The following VNN2 variants were observed in gnomAD, a reference collection of about 807,000 sequenced individuals.
VNN2 encodes the protein vanin 2.
In VNN2, 43 loss-of-function variants were observed where a neutral mutation model predicts 43.0. That is an observed-to-expected ratio of 1.00 (90% confidence interval 0.78 to 1.29). VNN2 has a LOEUF of 1.29. Among genes scored for constraint, VNN2 ranks in the 50% most tolerant of loss-of-function variants. The pLI is 0.00. For synonymous variants in VNN2, 230 were observed against 224.3 expected (o/e 1.03, Z -0.23); for missense variants, 652 against 619.7 (o/e 1.05, Z -0.55).
intron 2 of VNN2, among the ~76,000 whole-genome samples, chr6:132,757,041 A>G (rs1306254805): frequency 6.6e-6 from 1 of 152,102 alleles, no homozygotes; most frequent in African/African-American, 2.4e-5. Context: ...CTAAGAAGCA[A>G]CTCTGGAATG....
upstream of VNN2, among the ~76,000 whole-genome samples, chr6:132,761,131 T>C (rs974412920): frequency 1.3e-5 from 2 of 152,198 alleles, no homozygotes; most frequent in African/African-American, 4.8e-5. Context: ...ACAGTTTCAA[T>C]AGTTGACTTT....
rs1435753347 is a variant in VNN2, at chr6:132,757,546, C to A, written c.214G>T (p.Gly72Cys). ...ETAIKQAAEQ[G>C]ARIIVTPEDA... The stretch of plus-strand genomic sequence containing the variant: ...TCTGGAGTCACAATGATTCGAGCAC[C>A]CTGTTCAAAACAAGCAAAATAAAAA... The change falls in exon 2 of 7, where the codon GGT becomes TGT. Residue 72 changes from glycine to cysteine, a missense_variant and splice_region_variant. Coordinates refer to ENST00000326499, the MANE Select transcript of VNN2 (RefSeq NM_004665.6). 6.2e-7 allele frequency: 1 copy of A among 1,612,910 alleles called. No homozygotes were observed.
chr6:132,758,041 T>TCTTTTTC, upstream of VNN2: 1 of 246,250 alleles, frequency 4.1e-6, no homozygotes, highest in Non-Finnish European at 6.9e-6. Flanking sequence ...TTCTTCTTCT[T>TCTTTTTC]TTTTTTTTTT....
intron 6 of VNN2, among the ~76,000 whole-genome samples, chr6:132,745,418 G>A (rs1315804116): frequency 6.6e-6 from 1 of 152,126 alleles, no homozygotes; most frequent in Non-Finnish European, 1.5e-5. Flanking sequence ...GCTTCACCAT[G>A]TTGCCCAGGC....
At chr6:132,752,771 A>G in intron 3 of VNN2, 22 bp from the exon 4 acceptor site, 1 of 1,584,762 alleles carries the variant, frequency 6.3e-7, no homozygotes, top group Non-Finnish European at 8.6e-7. Flanking sequence ...GGATAGGAGA[A>G]AACCAGTAAA....
At chr6:132,755,478 A>G (rs1268745181) in intron 3 of VNN2, among the ~76,000 whole-genome samples, 1 of 149,896 alleles carries the variant, frequency 6.7e-6, no homozygotes, top group Non-Finnish European at 1.5e-5. Flanking sequence ...GGGTTCAAGC[A>G]AGTCTCCTGC....
chr6:132,756,412 A>G (rs1175399077), intron 2 of VNN2, among the ~76,000 whole-genome samples: 3 of 152,106 alleles, frequency 2.0e-5, no homozygotes, highest in Non-Finnish European at 4.4e-5. Context: ...TTAAAGCAAA[A>G]CTCCTCAAAA....
intron 6 of VNN2, among the ~76,000 whole-genome samples, chr6:132,745,838 A>G (rs1165969821): frequency 1.3e-5 from 2 of 152,246 alleles, no homozygotes; most frequent in African/African-American, 4.8e-5. Flanking sequence ...AATAAACAGA[A>G]CAAGAATAAA....
chr6:132,749,464 C>G (rs1779920511), intron 6 of VNN2, among the ~76,000 whole-genome samples: 1 of 152,078 alleles, frequency 6.6e-6, no homozygotes, highest in South Asian at 2.1e-4. Flanking sequence ...AACCCACTAG[C>G]CAATGGCAGA....
chr6:132,759,758 T>A (rs1780695934), upstream of VNN2, among the ~76,000 whole-genome samples: 1 of 152,218 alleles, frequency 6.6e-6, no homozygotes, highest in South Asian at 2.1e-4. Flanking sequence ...ATTAAAGGAA[T>A]AACTTTTCTT....
chr6:132,756,288 C>T (rs1780473967), intron 2 of VNN2, among the ~76,000 whole-genome samples: 1 of 152,138 alleles, frequency 6.6e-6, no homozygotes, highest in African/African-American at 2.4e-5. Flanking sequence ...TGAAACATCC[C>T]ATCAGCAATG....
At chr6:132,752,233 ACTAT>A (rs1323708852) in intron 4 of VNN2, among the ~76,000 whole-genome samples, 7 of 152,218 alleles carry the variant, frequency 4.6e-5, no homozygotes, top group African/African-American at 1.7e-4. Flanking sequence ...TTGGGATGAC[ACTAT>A]CTATCTCATA....
intron 3 of VNN2, among the ~76,000 whole-genome samples, 153 bp downstream of exon 3, chr6:132,755,690 T>C (rs2114607566): frequency 6.6e-6 from 1 of 152,312 alleles, no homozygotes; most frequent in East Asian, 1.9e-4. Context: ...TGTCATTTTC[T>C]TTATTGCCCA....
At chr6:132,761,942 G>T (rs781167004), upstream of VNN2, among the ~76,000 whole-genome samples, 2 of 152,078 alleles carry the variant, frequency 1.3e-5, no homozygotes, top group Non-Finnish European at 2.9e-5. Flanking sequence ...AGACTACAAC[G>T]CAGATGACAA....
upstream of VNN2, among the ~76,000 whole-genome samples, chr6:132,762,765 T>C (rs1216199821): frequency 6.6e-6 from 1 of 152,242 alleles, no homozygotes; most frequent in African/African-American, 2.4e-5. Flanking sequence ...CTGAAAGCAC[T>C]GCTAGATGGA....
Position 132,744,295 on chromosome 6 carries a change from A to G in VNN2, c.*5T>C, listed in dbSNP as rs1037721847. The G allele has an allele frequency of 6.3e-7, 1 of 1,599,720 alleles. No homozygotes were observed. Among genetic ancestry groups the G allele is most frequent in the Admixed American group, 1.8e-5 (1 of 55,838 alleles). Reference sequence around the variant, plus strand: ...GATGCAGAAGCTGAGTGATAAAGAGACGCCCTATAACATTACAATATTTTG... The same window carrying G: ...GATGCAGAAGCTGAGTGATAAAGAGGCGCCCTATAACATTACAATATTTTG... On this transcript the variant is annotated 3_prime_UTR_variant, in exon 7 of 7. Coordinates refer to ENST00000326499, the MANE Select transcript of VNN2 (RefSeq NM_004665.6).
At chr6:132,749,594 T>C (rs984494437) in intron 6 of VNN2, 101 bp downstream of exon 6, 11 of 1,209,690 alleles carry the variant, frequency 9.1e-6, no homozygotes, top group Middle Eastern at 2.2e-4. Context: ...TTGAGGAAAT[T>C]TGTTACACAG....
At chr6:132,746,014 C>A (rs1373188330) in intron 6 of VNN2, among the ~76,000 whole-genome samples, 1 of 152,182 alleles carries the variant, frequency 6.6e-6, no homozygotes, top group Non-Finnish European at 1.5e-5. Context: ...TTGTACTTCA[C>A]CATTCACAAA....
chr6:132,751,157 T>C lies in VNN2; in HGVS notation c.1188A>G (p.Arg396=). The C allele has an allele frequency of 6.3e-7, 1 of 1,597,626 alleles. No homozygotes were observed. The highest frequency in any genetic ancestry group is 2.2e-5 in the East Asian group (1 of 44,704). ...AFTGLHGRRR[R]EYWQVCTLLK... ...GAACTGAAATTACCTGCCAGTACTCTCTTCTCCTTCGGCCATGTAATCCTG... is the reference window on the plus strand; with the variant it reads ...GAACTGAAATTACCTGCCAGTACTCCCTTCTCCTTCGGCCATGTAATCCTG... Residue 396 remains arginine, a synonymous_variant, in exon 5 of 7, where the codon AGA becomes AGG. Coordinates refer to ENST00000326499, the MANE Select transcript of VNN2 (RefSeq NM_004665.6).
Sources: allele counts gnomAD v4.1 joint callset (sites outside exome capture counted in the v4.1 genomes callset), GRCh38; gene constraint gnomAD v4.1.1; transcripts MANE v1.5; gene names NCBI Gene and HGNC (gene_info 2026-07-23, HGNC 2026-07-21).